PCDHA10: variants seen among roughly 807,000 people sequenced by gnomAD.
PCDHA10 encodes the protein protocadherin alpha-10.
A neutral mutation model predicts 61.2 loss-of-function variants in PCDHA10; 45 were observed. The observed-to-expected ratio is 0.74, with a 90% CI of 0.58 to 0.94. The LOEUF is 0.94. PCDHA10 is among the 40% of genes least tolerant of loss of function. The pLI is 0.00. For synonymous variants in PCDHA10, 602 were observed against 548.8 expected, an observed-to-expected ratio of 1.10 and a Z score of -1.35; for missense variants, 1,278 against 1,236.2, an observed-to-expected ratio of 1.03 and a Z score of -0.51.
At chr5:140,971,586 C>G (rs1290834481) in intron 1 of PCDHA10, among the ~76,000 whole-genome samples, 1 of 152,022 alleles carries the variant, frequency 6.6e-6, no homozygotes, top group Non-Finnish European at 1.5e-5. Context: ...TTTTTCCTAC[C>G]TAGTTACTAC....
chr5:140,911,605 T>C (rs2075559169), intron 1 of PCDHA10, among the ~76,000 whole-genome samples: 1 of 152,224 alleles, frequency 6.6e-6, no homozygotes, highest in Non-Finnish European at 1.5e-5. Context: ...AACTTCATTA[T>C]GTTCCTTAGT....
intron 1 of PCDHA10, among the ~76,000 whole-genome samples, chr5:140,898,131 T>C (rs371489317): frequency 6.6e-6 from 1 of 152,156 alleles, no homozygotes; most frequent in Non-Finnish European, 1.5e-5. Context: ...TTCTCCCATT[T>C]TGTAGGTTGC....
intron 1 of PCDHA10, among the ~76,000 whole-genome samples, chr5:140,885,351 G>T (rs2060569192): frequency 1.3e-5 from 2 of 152,052 alleles, no homozygotes; most frequent in Admixed American, 6.5e-5. Context: ...TTTCCAAAAG[G>T]TACTGGTGAC....
intron 3 of PCDHA10, among the ~76,000 whole-genome samples, chr5:140,988,734 T>C (rs2097310672): frequency 1.3e-5 from 2 of 152,212 alleles, no homozygotes. Context: ...ATAGTAATTA[T>C]TCTAGGATTG....
intron 1 of PCDHA10, among the ~76,000 whole-genome samples, chr5:140,886,521 C>A (rs1056353739): frequency 5.9e-5 from 9 of 152,038 alleles, no homozygotes; most frequent in African/African-American, 1.9e-4. Flanking sequence ...TTAAGGTCTG[C>A]ATATTCAGTT....
intron 1 of PCDHA10, among the ~76,000 whole-genome samples, chr5:140,917,662 C>T (rs1554198266): frequency 6.6e-6 from 1 of 152,118 alleles, no homozygotes; most frequent in Admixed American, 6.6e-5. Flanking sequence ...AGTAGGAAGT[C>T]CTTTCTCCAT....
At chr5:140,868,826 G>A in intron 1 of PCDHA10, 1 of 406,060 alleles carries the variant, frequency 2.5e-6, no homozygotes, top group Non-Finnish European at 4.3e-6. Flanking sequence ...TTTGGGGGAA[G>A]AAACCCAAAA....
intron 1 of PCDHA10, chr5:140,871,166 C>G: frequency 1.2e-6 from 2 of 1,613,486 alleles, no homozygotes; most frequent in Non-Finnish European, 1.7e-6. Flanking sequence ...GCCGCGAGCC[C>G]AGAGGCTGCG....
chr5:140,950,323 A>G (rs1400315467), intron 1 of PCDHA10, among the ~76,000 whole-genome samples: 1 of 152,046 alleles, frequency 6.6e-6, no homozygotes, highest in Non-Finnish European at 1.5e-5. Context: ...TAATGCATAT[A>G]TGCTGCAGTG....
chr5:140,909,255 C>G (rs1583695279), intron 1 of PCDHA10, among the ~76,000 whole-genome samples: 1 of 152,210 alleles, frequency 6.6e-6, no homozygotes, highest in African/African-American at 2.4e-5. Context: ...GCTGGCCTTG[C>G]TGACTGAAGG....
At chr5:140,933,133 G>T (rs782720038) in intron 1 of PCDHA10, among the ~76,000 whole-genome samples, 1 of 151,914 alleles carries the variant, frequency 6.6e-6, no homozygotes, top group Non-Finnish European at 1.5e-5. Context: ...AATAATAAAG[G>T]TAGATAGCCA....
intron 3 of PCDHA10, among the ~76,000 whole-genome samples, chr5:140,988,762 C>T (rs546274253): frequency 6.6e-6 from 1 of 152,308 alleles, no homozygotes; most frequent in South Asian, 2.1e-4. Context: ...GGGCAGAATA[C>T]AGTCATGGTT....
At chr5:140,897,130 C>A (rs913808184) in intron 1 of PCDHA10, among the ~76,000 whole-genome samples, 11 of 152,118 alleles carry the variant, frequency 7.2e-5, no homozygotes, top group Non-Finnish European at 5.9e-5. Flanking sequence ...CCCCACTAAA[C>A]TTTCTAGCCT....
At chr5:140,869,591 A>AGAAT in intron 1 of PCDHA10, 1 of 1,614,138 alleles carries the variant, frequency 6.2e-7, no homozygotes. Flanking sequence ...GCTGACATTG[A>AGAAT]AGAGAATGCT....
intron 1 of PCDHA10, chr5:140,869,354 T>C (rs782282863): frequency 6.2e-7 from 1 of 1,614,116 alleles, no homozygotes; most frequent in Non-Finnish European, 8.5e-7. Context: ...AATGGCATTT[T>C]GTTTGTGAAT....
At chr5:141,000,824 T>C (rs1477357302) in intron 3 of PCDHA10, among the ~76,000 whole-genome samples, 1 of 152,064 alleles carries the variant, frequency 6.6e-6, no homozygotes, top group Non-Finnish European at 1.5e-5. Context: ...GGAGGATCAC[T>C]TGAGTCCAGG....
intron 1 of PCDHA10, among the ~76,000 whole-genome samples, chr5:140,953,569 C>G (rs246030): frequency 0.56 from 85,556 of 151,828 alleles, 24,725 homozygotes; most frequent in African/African-American, 0.69. Context: ...TTAGTGCCCT[C>G]CTCTCCCAAA....
At chr5:140,876,388 G>A in intron 1 of PCDHA10, 2 of 1,613,896 alleles carry the variant, frequency 1.2e-6, no homozygotes, top group Non-Finnish European at 1.7e-6. Context: ...TAGAATTTAT[G>A]GTGAACTGGA....
chr5:140,906,252 C>A (rs1376694912), intron 1 of PCDHA10, among the ~76,000 whole-genome samples: 1 of 152,180 alleles, frequency 6.6e-6, no homozygotes, highest in African/African-American at 2.4e-5. Context: ...AACCCATACA[C>A]ACCTCCTGAA....
Sources: allele counts gnomAD v4.1 joint callset (sites outside exome capture counted in the v4.1 genomes callset), GRCh38; gene constraint gnomAD v4.1.1; transcripts MANE v1.5; gene names NCBI Gene and HGNC (gene_info 2026-07-23, HGNC 2026-07-21).